The following ZSWIM8 variants were observed in gnomAD, a reference collection of about 807,000 sequenced individuals.
ZSWIM8 encodes the protein zinc finger SWIM-type containing 8.
Under a neutral mutation model 173.7 loss-of-function variants are expected in ZSWIM8, and 27 were observed. That is an observed-to-expected ratio of 0.16 (90% CI 0.11 to 0.21). ZSWIM8 has a LOEUF of 0.21. Among genes scored for constraint, ZSWIM8 ranks in the 10% least tolerant of loss-of-function variants. The pLI is 1.00. For synonymous variants in ZSWIM8, 958 were observed against 962.0 expected, an observed-to-expected ratio of 1.00 and a Z score of 0.08; for missense variants, 1,627 against 2,428.8, an observed-to-expected ratio of 0.67 and a Z score of 6.94.
chr10:73,790,906 C>T (rs918701740), intron 7 of ZSWIM8, 69 bp from the exon 8 acceptor site: 38 of 1,428,702 alleles, frequency 2.7e-5, no homozygotes, highest in Middle Eastern at 1.8e-4. Flanking sequence ...ATTTTGGGGC[C>T]GGAAGCCCTT....
At chr10:73,795,732 C>CAGAT in intron 15 of ZSWIM8, 69 bp downstream of exon 15, 1 of 1,523,190 alleles carries the variant, frequency 6.6e-7, no homozygotes, top group East Asian at 2.4e-5. Context: ...CAGAGGCGGG[C>CAGAT]AGATGGCTTG....
chr10:73,786,747 G>A (rs925568177), intron 1 of ZSWIM8: 1 of 152,372 alleles, frequency 6.6e-6, no homozygotes, highest in African/African-American at 2.4e-5. Flanking sequence ...CAGAAGCCAA[G>A]GCTGGGACTT....
At chr10:73,794,433 C>T in intron 13 of ZSWIM8, 103 bp downstream of exon 13, 1 of 1,547,514 alleles carries the variant, frequency 6.5e-7, no homozygotes, top group Non-Finnish European at 8.8e-7. Context: ...TAGGACCCAT[C>T]AGGCAGCTTC....
chr10:73,790,436 T>C (rs1381075550), intron 7 of ZSWIM8, 144 bp downstream of exon 7: 2 of 1,235,222 alleles, frequency 1.6e-6, no homozygotes, highest in Non-Finnish European at 2.2e-6. Context: ...CAGTTGTCAC[T>C]AACGAATTGA....
intron 7 of ZSWIM8, 28 bp downstream of exon 7, chr10:73,790,320 CTG>C: frequency 6.4e-7 from 1 of 1,572,448 alleles, no homozygotes; most frequent in Non-Finnish European, 8.6e-7. Context: ...ATACCTGTGT[CTG>C]TGGTGGAGGG....
At position 73,792,207 on chromosome 10, in the gene ZSWIM8, C is replaced by T. The variant is rs1228946215; in HGVS notation, c.1668C>T (p.Val556=). 4 of 1,538,998 alleles carry T rather than the reference C, an allele frequency of 2.6e-6. No homozygotes were observed. The highest frequency in any genetic ancestry group is 1.4e-5 in the African/African-American group (1 of 72,570). The part of the protein sequence containing the change: ...GTKRKGLGEG[V]PSSQRGPRRL... ...AGCGAAAGGGCTTGGGTGAGGGGGT[C>T]CCCTCATCACAGCGGGGTCCCCGCC... Residue 556 remains valine (V), a synonymous_variant, in exon 10 of 26, where the codon GTC becomes GTT. Transcript: ENST00000604729. This position sits in a 1 kb window ranked among gnomAD's most constrained non-coding sequence, Gnocchi z 4.3.
At chr10:73,790,149 G>T (rs776987764) in intron 6 of ZSWIM8, 23 bp from the exon 7 acceptor site, 1 of 1,611,072 alleles carries the variant, frequency 6.2e-7, no homozygotes, top group South Asian at 1.1e-5. Context: ...ATCTCTAGAT[G>T]ACTGACTGCC....
chr10:73,787,000 A>G (rs181205332), intron 1 of ZSWIM8, among the ~76,000 whole-genome samples: 1 of 150,010 alleles, frequency 6.7e-6, no homozygotes. Flanking sequence ...CTGGAGTGCA[A>G]TGGCACGATC....
At chr10:73,795,988 A>G (rs796727520) in intron 15 of ZSWIM8, among the ~76,000 whole-genome samples, 8 of 148,942 alleles carry the variant, frequency 5.4e-5, no homozygotes, top group African/African-American at 2.0e-4. Context: ...AAAAAAAGGC[A>G]AGGTACTGGG....
Position 73,791,198 on chromosome 10 carries a change from G to T in ZSWIM8, c.1143+22G>T, listed in dbSNP as rs763791606. On this transcript the variant is annotated intron_variant, in intron 8 of 25. Coordinates refer to ENST00000604729, the MANE Select transcript of ZSWIM8 (RefSeq NM_001367799.1). This position sits in a 1 kb window ranked among gnomAD's most constrained non-coding sequence, Gnocchi z 6.0. ...ACAGGTAATCACTCAGCGTTGGGGA[G>T]CCCCGTGGTAGCTCATTCTTTCCCT... 1 of 1,577,784 alleles carries T rather than the reference G, an allele frequency of 6.3e-7. No individual in the cohort carries two copies. The highest frequency in any genetic ancestry group is 1.1e-5 in the South Asian group (1 of 87,160).
chr10:73,799,776 A>G, intron 21 of ZSWIM8: 1 of 626,198 alleles, frequency 1.6e-6, no homozygotes, highest in Admixed American at 3.0e-5. Context: ...ACTAAAAATT[A>G]GCTGAGTGCA....
chr10:73,797,889 A>G lies in ZSWIM8; in HGVS notation c.3771A>G (p.Ala1257=), dbSNP rs767859870. The G allele has an allele frequency of 7.4e-6, 12 of 1,613,896 alleles. No individual in the cohort carries two copies. Among genetic ancestry groups the G allele is most frequent in the East Asian group, 2.2e-5 (1 of 44,868 alleles). ...FELAKTVLIK[A]GGNSSTSIFT... is the part of the protein sequence containing the mutation. Reference sequence around the variant, plus strand: ...TGGCGAAGACAGTGCTGATCAAGGCAGGGGGCAACAGCAGCACTTCCATTT... The same window carrying G: ...TGGCGAAGACAGTGCTGATCAAGGCGGGGGGCAACAGCAGCACTTCCATTT... Residue 1257 remains alanine (A), a synonymous_variant, in exon 19 of 26, where the codon GCA becomes GCG. Coordinates refer to ENST00000604729, the MANE Select transcript of ZSWIM8 (RefSeq NM_001367799.1). The surrounding 1 kb of genome is among the most constrained non-coding windows in gnomAD (Gnocchi z 5.6).
Position 73,800,537 on chromosome 10 carries a change from TCCTC to T in ZSWIM8, c.5002+66_5002+69del. Reference sequence around the variant, plus strand: ...TGCCAGTGGCTCTTCAGAGGACCCTTCCTCTAGCTCTTCATTTGTTTACTGTGGG... The same window carrying T: ...TGCCAGTGGCTCTTCAGAGGACCCTTTAGCTCTTCATTTGTTTACTGTGGG... On this transcript the variant is annotated intron_variant, in intron 23 of 25. Coordinates refer to ENST00000604729, the MANE Select transcript of ZSWIM8 (RefSeq NM_001367799.1). This position sits in a 1 kb window ranked among gnomAD's most constrained non-coding sequence, Gnocchi z 4.1. 1 of 1,603,930 alleles carries T rather than the reference TCCTC, an allele frequency of 6.2e-7. No individual in the cohort carries two copies. The highest frequency in any genetic ancestry group is 8.5e-7 in the Non-Finnish European group (1 of 1,174,140).
chr10:73,790,384 C>T (rs2083374766), intron 7 of ZSWIM8, 92 bp downstream of exon 7: 1 of 1,503,148 alleles, frequency 6.7e-7, no homozygotes, highest in South Asian at 1.4e-5. Context: ...ATGCCTGTGA[C>T]CCCTACCTTT....
intron 20 of ZSWIM8, 23 bp downstream of exon 20, chr10:73,798,476 A>C (rs2083767806): frequency 6.2e-7 from 1 of 1,604,032 alleles, no homozygotes; most frequent in South Asian, 1.1e-5. Context: ...GCAATCTGGG[A>C]ACCTCTTCTG....
chr10:73,787,588 G>T (rs746024678), intron 1 of ZSWIM8, among the ~76,000 whole-genome samples: 2 of 152,202 alleles, frequency 1.3e-5, no homozygotes, highest in African/African-American at 4.8e-5. Flanking sequence ...GCGGTGGCTC[G>T]TGCCTGTAAT....
chr10:73,800,491 C>A lies in ZSWIM8; in HGVS notation c.5002+19C>A, dbSNP rs2083889666. 8 of 1,612,716 alleles carry A rather than the reference C, an allele frequency of 5.0e-6. No homozygotes were observed. The highest frequency in any genetic ancestry group is 3.3e-5 in the South Asian group (3 of 90,952). ...CGTGTCGGTGAGAGGACATCCCTTT[C>A]TGTGCTCCTACCTGCAGTTGTGCCA... On this transcript the variant is annotated intron_variant, in intron 23 of 25. Transcript: ENST00000604729. This position sits in a 1 kb window ranked among gnomAD's most constrained non-coding sequence, Gnocchi z 4.1.
rs2083468328 is a variant in ZSWIM8 at position 73,792,856 on chromosome 10, A to G, written c.2313+4A>G. The G allele has an allele frequency of 6.5e-7, 1 of 1,538,816 alleles. No individual in the cohort carries two copies. The highest frequency in any genetic ancestry group is 1.2e-5 in the South Asian group (1 of 82,218). ...GGAACAGGAGAGTCGCATGGAGGTG[A>G]GGGGATGGAAGGAGGGAGGGCTGGG... On this transcript the variant is annotated splice_donor_region_variant and intron_variant, in intron 10 of 25. Transcript: ENST00000604729. This position sits in a 1 kb window ranked among gnomAD's most constrained non-coding sequence, Gnocchi z 4.3.
At chr10:73,793,758 T>TCCCCCC in intron 11 of ZSWIM8, 39 bp downstream of exon 11, 1 of 1,402,322 alleles carries the variant, frequency 7.1e-7, no homozygotes, top group Non-Finnish European at 9.6e-7. Flanking sequence ...CTCCCCCACT[T>TCCCCCC]ACCCCCAACC....
Sources: gnomAD v4.1 joint callset for allele counts (sites outside exome capture counted in the v4.1 genomes callset) on GRCh38, gnomAD v4.1.1 for gene constraint, Gnocchi (gnomAD v3.1) non-coding constraint, MANE v1.5 for transcripts, NCBI Gene and HGNC (gene_info 2026-07-23, HGNC 2026-07-21) for gene names.